Variants in LSG1 observed in about 807,000 individuals in gnomAD.
The protein encoded by LSG1 is large 60S subunit nuclear export GTPase 1.
Under a neutral mutation model 82.6 loss-of-function variants are expected in LSG1, and 55 were observed. The observed-to-expected ratio is 0.67, with a 90% confidence interval of 0.54 to 0.83. LSG1 has a LOEUF of 0.83. Ranked by LOEUF, LSG1 falls within the 40% of genes least tolerant of loss-of-function variation. The probability of loss-of-function intolerance (pLI) is 0.00; values close to 1 mark genes in which losing one functional copy is unlikely to be tolerated. For missense variants in LSG1, 809 were observed against 807.9 expected (o/e 1.00, Z -0.02); for synonymous variants, 272 against 282.5 (o/e 0.96, Z 0.37).
chr3:194,667,134 G>A lies in LSG1; in HGVS notation c.227-562C>T, dbSNP rs371860886. Reference sequence around the variant, plus strand: ...GGCTGGAGTGAAGTGGCACAGTCTCGGTTCACTGCAACCTCAAACAATTCT... The same window carrying A: ...GGCTGGAGTGAAGTGGCACAGTCTCAGTTCACTGCAACCTCAAACAATTCT... On this transcript the variant is annotated intron_variant, in intron 2 of 13. Coordinates refer to ENST00000265245, the MANE Select transcript of LSG1 (RefSeq NM_018385.3). Among the ~76,000 whole-genome samples the A allele has an allele frequency of 5.9e-4, 90 of 151,884 alleles. 1 individual carries two copies. The East Asian group carries it at 7.4e-3, about 12-fold the overall frequency.
At chr3:194,658,915 A>G in intron 7 of LSG1, 42 bp downstream of exon 7, 1 of 1,482,414 alleles carries the variant, frequency 6.7e-7, no homozygotes, top group Admixed American at 2.2e-5. Context: ...AGAAATCAAA[A>G]TTCCCTCTTT....
chr3:194,667,797 C>T (rs1335635062), intron 2 of LSG1, among the ~76,000 whole-genome samples: 1 of 150,638 alleles, frequency 6.6e-6, no homozygotes, highest in Non-Finnish European at 1.5e-5. Flanking sequence ...GTGGTGCATG[C>T]CTGTAATCCC....
At chr3:194,662,756 C>T (rs1056263765) in intron 5 of LSG1, among the ~76,000 whole-genome samples, 8 of 152,130 alleles carry the variant, frequency 5.3e-5, no homozygotes, top group Admixed American at 1.3e-4. Flanking sequence ...GAGCGAAAGT[C>T]CGTCTCAAAA....
At chr3:194,670,260 A>G (rs1261190001) in intron 1 of LSG1, 125 bp from the exon 2 acceptor site, 2 of 842,216 alleles carry the variant, frequency 2.4e-6, no homozygotes, top group Non-Finnish European at 3.7e-6. Context: ...TAGAATCAAT[A>G]CTACTTATAG....
chr3:194,657,099 G>C (rs1277833090), intron 7 of LSG1, among the ~76,000 whole-genome samples: 2 of 151,238 alleles, frequency 1.3e-5, no homozygotes. Flanking sequence ...GTATATATAC[G>C]TAACAAACCT....
At chr3:194,671,303 G>A (rs1719135221) in intron 1 of LSG1, among the ~76,000 whole-genome samples, 1 of 152,186 alleles carries the variant, frequency 6.6e-6, no homozygotes, top group Admixed American at 6.5e-5. Context: ...AATGTCCAGA[G>A]TAACTCTGAC....
chr3:194,672,037 T>A, intron 1 of LSG1, 27 bp downstream of exon 1: 2 of 1,600,824 alleles, frequency 1.2e-6, no homozygotes, highest in Non-Finnish European at 8.5e-7. Context: ...ACAGAAAAGA[T>A]AAGAAAGATG....
intron 10 of LSG1, among the ~76,000 whole-genome samples, chr3:194,649,932 T>A (rs1055190154): frequency 6.6e-6 from 1 of 151,526 alleles, no homozygotes; most frequent in Admixed American, 6.6e-5. Flanking sequence ...TTTTCTTTTT[T>A]CTTAAAGGCA....
chr3:194,659,727 A>C (rs1718883157), intron 6 of LSG1, among the ~76,000 whole-genome samples: 1 of 152,254 alleles, frequency 6.6e-6, no homozygotes, highest in Non-Finnish European at 1.5e-5. Context: ...TTATGGGATG[A>C]ATTAAAAAGT....
chr3:194,650,307 C>T (rs1399627239), intron 10 of LSG1, among the ~76,000 whole-genome samples: 1 of 152,154 alleles, frequency 6.6e-6, no homozygotes, highest in Admixed American at 6.5e-5. Context: ...ATTCATTATG[C>T]TGCTGAGAGG....
chr3:194,667,197 C>T (rs143803572), intron 2 of LSG1, among the ~76,000 whole-genome samples: 2,561 of 152,092 alleles, frequency 0.017, 30 homozygotes, highest in African/African-American at 0.028. Context: ...ACTACAGGCC[C>T]GCACCACCAC....
At chr3:194,665,309 A>G (rs933210458) in intron 5 of LSG1, among the ~76,000 whole-genome samples, 2 of 152,244 alleles carry the variant, frequency 1.3e-5, no homozygotes, top group African/African-American at 2.4e-5. Context: ...TAAAATATCT[A>G]TATAGGTGCT....
At chr3:194,644,254 C>T (rs938209382) in intron 13 of LSG1, among the ~76,000 whole-genome samples, 20 of 151,122 alleles carry the variant, frequency 1.3e-4, no homozygotes, top group South Asian at 2.1e-4. Flanking sequence ...CCCAGCTACT[C>T]GGGAGGCTGA....
Position 194,664,616 on chromosome 3 carries a change from T to TA in LSG1, c.521+940dup, listed in dbSNP as rs111721597. Among the ~76,000 whole-genome samples the TA allele has an allele frequency of 4.5e-3, 676 of 151,830 alleles. 5 individuals carry two copies. The highest frequency in any genetic ancestry group is 0.016 in the African/African-American group (651 of 41,420). On this transcript the variant is annotated intron_variant, in intron 5 of 13. Coordinates refer to ENST00000265245, the MANE Select transcript of LSG1 (RefSeq NM_018385.3). Reference sequence around the variant, plus strand: ...CATTCTCTTCTTTTCAGAGCCCAGTTAAAAAAAATAAAAACCAGGCCGGGC... The same window carrying TA: ...CATTCTCTTCTTTTCAGAGCCCAGTTAAAAAAAAATAAAAACCAGGCCGGGC...
rs752658325 is a variant in LSG1, at chr3:194,650,939, G to C, written c.1361C>G (p.Thr454Ser). ...ATCAATTGGGAGGATTCCGCTGCAA[G>C]TCATTTCTGCCTTGGTAGACACAAA... The part of the protein sequence containing the change: ...PSFVSTKAEM[T>S]CSGILPIDQM... The change falls in exon 10 of 14, where the codon ACT (threonine) becomes AGT (serine). Residue 454 changes from threonine to serine, a missense_variant. Transcript: ENST00000265245. 6.2e-7 allele frequency: 1 copy of C among 1,614,190 alleles called. No individual in the cohort carries two copies. The highest frequency in any genetic ancestry group is 8.5e-7 in the Non-Finnish European group (1 of 1,180,030).
intron 13 of LSG1, among the ~76,000 whole-genome samples, chr3:194,643,076 C>T (rs1391184413): frequency 6.6e-6 from 1 of 152,238 alleles, no homozygotes; most frequent in Non-Finnish European, 1.5e-5. Context: ...ATCCTAACCC[C>T]TGTCCTATTT....
rs772781655 is a variant in LSG1, at chr3:194,644,761, T to A, written c.1624-15A>T. On this transcript the variant is annotated splice_polypyrimidine_tract_variant and intron_variant, in intron 12 of 13. Transcript: ENST00000265245. ...AGCAGCTTACCCTACAAAGACAACATGAATGACAACAGTGCAGCCTAAGTG... is the reference window on the plus strand; with the variant it reads ...AGCAGCTTACCCTACAAAGACAACAAGAATGACAACAGTGCAGCCTAAGTG... 1 of 1,596,020 alleles carries A rather than the reference T, an allele frequency of 6.3e-7. No homozygotes were observed. The highest frequency in any genetic ancestry group is 1.1e-5 in the South Asian group (1 of 87,606).
intron 12 of LSG1, 164 bp from the exon 13 acceptor site, chr3:194,644,910 C>T (rs959330789): frequency 4.3e-6 from 2 of 470,566 alleles, no homozygotes; most frequent in Non-Finnish European, 3.7e-6. Context: ...TTTTCTAATA[C>T]ATCAATGGTC....
intron 12 of LSG1, among the ~76,000 whole-genome samples, chr3:194,645,958 T>A (rs1452878879): frequency 6.6e-6 from 1 of 152,210 alleles, no homozygotes; most frequent in Admixed American, 6.5e-5. Flanking sequence ...ATATTGGTGA[T>A]TTTCACTCAT....
Sources: allele counts gnomAD v4.1 joint callset (sites outside exome capture counted in the v4.1 genomes callset), GRCh38; gene constraint gnomAD v4.1.1; transcripts MANE v1.5; gene names NCBI Gene and HGNC (gene_info 2026-07-23, HGNC 2026-07-21).